Variants in PDE10A observed in about 807,000 individuals in gnomAD.
PDE10A encodes the protein phosphodiesterase 10A.
A neutral mutation model predicts 97.7 loss-of-function variants in PDE10A; 39 were observed. That is an observed-to-expected ratio of 0.40 (90% CI 0.31 to 0.52). PDE10A has a LOEUF of 0.52. Among genes scored for constraint, PDE10A ranks in the 20% least tolerant of loss-of-function variants. PDE10A has a pLI of 0.56. For synonymous variants in PDE10A, 371 were observed against 376.8 expected, an observed-to-expected ratio of 0.98 and a Z score of 0.18; for missense variants, 731 against 1,047.8, an observed-to-expected ratio of 0.70 and a Z score of 4.17.
chr6:165,384,936 G>C (rs899838897), intron 17 of PDE10A, among the ~76,000 whole-genome samples: 18 of 152,132 alleles, frequency 1.2e-4, no homozygotes, highest in Non-Finnish European at 1.5e-4. Flanking sequence ...CTGTCTGTGT[G>C]GCCAGAGGAT....
chr6:165,725,421 C>A (rs1246501125), intron 1 of PDE10A, among the ~76,000 whole-genome samples: 4 of 152,216 alleles, frequency 2.6e-5, no homozygotes, highest in African/African-American at 9.6e-5. Flanking sequence ...ACACGCCCCC[C>A]ACAAGCTGCC....
intron 1 of PDE10A, among the ~76,000 whole-genome samples, chr6:165,681,155 G>A (rs1417789665): frequency 3.3e-5 from 5 of 152,154 alleles, no homozygotes; most frequent in African/African-American, 4.8e-5. Context: ...TTTACAGAGC[G>A]CTGCAAGGGG....
intron 2 of PDE10A, among the ~76,000 whole-genome samples, chr6:165,527,990 G>T (rs9459438): frequency 6.6e-6 from 1 of 152,184 alleles, no homozygotes; most frequent in Non-Finnish European, 1.5e-5. Flanking sequence ...CGGCGGTGAA[G>T]GGTAATCTTC....
At chr6:165,860,458 A>C (rs1780871306) in intron 1 of PDE10A, among the ~76,000 whole-genome samples, 1 of 152,158 alleles carries the variant, frequency 6.6e-6, no homozygotes, top group South Asian at 2.1e-4. Flanking sequence ...ACCTCAAAAC[A>C]AAAAACAAAA....
rs1271670537 is a variant in PDE10A, at chr6:165,711,662, T to G, written c.-614-168094A>C. Among the ~76,000 whole-genome samples the G allele has an allele frequency of 7.9e-5, 12 of 152,102 alleles. No individual in the cohort carries two copies. The highest frequency in any genetic ancestry group is 1.5e-4 in the Non-Finnish European group (10 of 68,014). ...TAAGAGAAGAAACGAAGATGAAAAG[T>G]GAGACTCAGGAAGCCCCTTTAATAC... On this transcript the variant is annotated intron_variant, in intron 1 of 19. Transcript: ENST00000366882. The surrounding 1 kb of genome is among the most constrained non-coding windows in gnomAD (Gnocchi z 4.5).
At chr6:165,636,187 T>A (rs576915895) in intron 1 of PDE10A, among the ~76,000 whole-genome samples, 9 of 152,314 alleles carry the variant, frequency 5.9e-5, no homozygotes, top group African/African-American at 2.2e-4. Context: ...TTCCTATTCC[T>A]GGGTTAGGGT....
chr6:165,344,530 G>C (rs1220009582), intron 18 of PDE10A, among the ~76,000 whole-genome samples: 1 of 152,078 alleles, frequency 6.6e-6, no homozygotes, highest in Non-Finnish European at 1.5e-5. Context: ...TTCTCCAACT[G>C]CGGGCACAGT....
chr6:165,519,965 T>G (rs1417630980), intron 2 of PDE10A, among the ~76,000 whole-genome samples: 3 of 152,198 alleles, frequency 2.0e-5, no homozygotes, highest in African/African-American at 7.2e-5. Context: ...TTTGAAAGTT[T>G]ACTTCAGAAA....
chr6:165,358,468 T>C (rs188507991), intron 18 of PDE10A, among the ~76,000 whole-genome samples: 3 of 151,944 alleles, frequency 2.0e-5, no homozygotes, highest in African/African-American at 7.2e-5. Context: ...CAATGTTTCC[T>C]ATCTTAAAGA....
chr6:165,423,213 A>T (rs1445628460), intron 10 of PDE10A, among the ~76,000 whole-genome samples: 4 of 152,170 alleles, frequency 2.6e-5, no homozygotes, highest in African/African-American at 9.6e-5. Context: ...CTGAACATTC[A>T]ATGGCTTTTC....
At chr6:165,500,927 C>T (rs1449711152) in intron 2 of PDE10A, among the ~76,000 whole-genome samples, 1 of 152,144 alleles carries the variant, frequency 6.6e-6, no homozygotes, top group Non-Finnish European at 1.5e-5. Flanking sequence ...TGTACGTGCA[C>T]ATCAAGGCAC....
chr6:165,416,174 T>C lies in PDE10A; in HGVS notation c.1889+15A>G. On this transcript the variant is annotated intron_variant, in intron 12 of 21. Transcript: ENST00000539869. Reference sequence around the variant, plus strand: ...AGAAGAAATCAATGGAGTGTCGACATCAGCTATTTCTTACCTGTTAAAGCG... The same window carrying C: ...AGAAGAAATCAATGGAGTGTCGACACCAGCTATTTCTTACCTGTTAAAGCG... 2 of 1,510,264 alleles carry C rather than the reference T, an allele frequency of 1.3e-6. No individual in the cohort carries two copies. The highest frequency in any genetic ancestry group is 1.8e-6 in the Non-Finnish European group (2 of 1,085,234). 93.6% of individuals were successfully genotyped at this position (1,510,264 alleles called of 1,614,324 possible).
intron 1 of PDE10A, among the ~76,000 whole-genome samples, chr6:165,701,874 T>C (rs1791587425): frequency 6.6e-6 from 1 of 151,986 alleles, no homozygotes; most frequent in East Asian, 1.9e-4. Flanking sequence ...AGACTTGAGA[T>C]GAGTCTTGAT....
intron 18 of PDE10A, among the ~76,000 whole-genome samples, chr6:165,376,375 G>A (rs992699948): frequency 6.6e-6 from 1 of 152,228 alleles, no homozygotes; most frequent in African/African-American, 2.4e-5. Context: ...AAAGTTTCTT[G>A]AGATGACATC....
chr6:165,742,524 T>C (rs1792751485), intron 1 of PDE10A, among the ~76,000 whole-genome samples: 1 of 152,050 alleles, frequency 6.6e-6, no homozygotes, highest in African/African-American at 2.4e-5. Flanking sequence ...CTCTAACTTA[T>C]CAAGAAGAGA....
intron 21 of PDE10A, 131 bp from the exon 22 acceptor site, chr6:165,333,258 A>G: frequency 3.1e-6 from 2 of 642,406 alleles, no homozygotes; most frequent in Non-Finnish European, 5.6e-6. Context: ...CGACATGGTT[A>G]CCAGCACGAC....
At chr6:165,635,746 G>A (rs1788845338) in intron 1 of PDE10A, among the ~76,000 whole-genome samples, 1 of 152,106 alleles carries the variant, frequency 6.6e-6, no homozygotes, top group South Asian at 2.1e-4. Flanking sequence ...AACACAGCGT[G>A]AACTTTGGTT....
intron 1 of PDE10A, among the ~76,000 whole-genome samples, chr6:165,679,068 T>C (rs1790903634): frequency 6.6e-6 from 1 of 152,206 alleles, no homozygotes; most frequent in South Asian, 2.1e-4. Context: ...ATGAGAGACA[T>C]TTAAAGTACT....
At chr6:165,727,142 C>T (rs1401704339) in intron 1 of PDE10A, among the ~76,000 whole-genome samples, 2 of 152,242 alleles carry the variant, frequency 1.3e-5, no homozygotes, top group African/African-American at 4.8e-5. Flanking sequence ...ACACAGGAGA[C>T]CCTGCCATGG....
Sources: gnomAD v4.1 joint callset for allele counts (sites outside exome capture counted in the v4.1 genomes callset) on GRCh38, gnomAD v4.1.1 for gene constraint, Gnocchi (gnomAD v3.1) non-coding constraint, MANE v1.5 for transcripts, NCBI Gene and HGNC (gene_info 2026-07-23, HGNC 2026-07-21) for gene names.